The following HHIPL1 variants were observed in gnomAD, a reference collection of about 807,000 sequenced individuals.
HHIPL1 encodes HHIP like 1.
Under a neutral mutation model 61.8 loss-of-function variants are expected in HHIPL1, and 43 were observed. The observed-to-expected ratio is 0.70, with a 90% CI of 0.55 to 0.90. The LOEUF (loss-of-function observed/expected upper bound fraction) is 0.90. Among genes scored for constraint, HHIPL1 ranks in the 40% least tolerant of loss-of-function variants. HHIPL1 has a pLI of 0.00. For missense variants in HHIPL1, 1,056 were observed against 1,157.7 expected (o/e 0.91, Z 1.28); for synonymous variants, 482 against 515.8 (o/e 0.93, Z 0.89).
intron 2 of HHIPL1, among the ~76,000 whole-genome samples, 164 bp from the exon 3 acceptor site, chr14:99,656,831 GAAAGA>G: frequency 2.2e-3 from 8 of 3,666 alleles, no homozygotes; most frequent in Admixed American, 7.6e-3. Context: ...AAGAAAGAAA[GAAAGA>G]AAGGAAGGAA....
the HHIPL1 span, among the ~76,000 whole-genome samples, chr14:99,624,482 A>T: frequency 6.6e-6 from 1 of 152,266 alleles, no homozygotes; most frequent in East Asian, 1.9e-4. Flanking sequence ...ACCAACTCCC[A>T]TATGGTCGGG....
At chr14:99,646,813 ATATGATATGATATGATATG>A (rs1566804774) in intron 1 of HHIPL1, among the ~76,000 whole-genome samples, 37 of 81,822 alleles carry the variant, frequency 4.5e-4, no homozygotes, top group East Asian at 1.2e-3. Flanking sequence ...ATATGATATG[ATATGATATGATATGATATG>A]ATATAATATA....
chr14:99,656,803 G>T, intron 2 of HHIPL1, among the ~76,000 whole-genome samples, 197 bp from the exon 3 acceptor site: 1 of 2,108 alleles, frequency 4.7e-4, no homozygotes, highest in African/African-American at 5.6e-4. Context: ...AAGAAAGAAA[G>T]AAAGAAAGAA....
Position 99,663,728 on chromosome 14 carries a change from T to C in HHIPL1, c.1648+707T>C, listed in dbSNP as rs187705022. ...CGTCTTCACCTCTCTGAGCTCCCGT[T>C]TGTTCCTATGGAAAATGGAAGTAGT... On this transcript the variant is annotated intron_variant, in intron 6 of 8. Coordinates refer to ENST00000330710, the MANE Select transcript of HHIPL1 (RefSeq NM_001127258.3). Among the ~76,000 whole-genome samples, 129 of 152,254 alleles carry C rather than the reference T, an allele frequency of 8.5e-4. 1 individual carries two copies. The highest frequency in any genetic ancestry group is 4.4e-4 in the Non-Finnish European group (30 of 68,020).
rs1480847463 is a variant in HHIPL1 at position 99,656,829 on chromosome 14, A to G, written c.903-171A>G. Reference sequence around the variant, plus strand: ...AAAGAAAGAAAGAAAGAAAGAAAGAAAGAAAGAAAGGAAGGAAGGAAGGAA... The same window carrying G: ...AAAGAAAGAAAGAAAGAAAGAAAGAGAGAAAGAAAGGAAGGAAGGAAGGAA... On this transcript the variant is annotated intron_variant, in intron 2 of 8. Coordinates refer to ENST00000330710, the MANE Select transcript of HHIPL1 (RefSeq NM_001127258.3). Among the ~76,000 whole-genome samples, 11 of 5,698 alleles carry G rather than the reference A, an allele frequency of 1.9e-3. 1 individual carries two copies. The highest frequency in any genetic ancestry group is 2.9e-3 in the African/African-American group (11 of 3,796). The allele number at this position is 5,698 out of a possible 152,430, so 3.7% of individuals were successfully genotyped here.
At chr14:99,647,902 C>T (rs1055137150) in intron 1 of HHIPL1, among the ~76,000 whole-genome samples, 2 of 152,182 alleles carry the variant, frequency 1.3e-5, no homozygotes, top group Non-Finnish European at 2.9e-5. Flanking sequence ...TGGCACGTGG[C>T]ATCCCCAGTG....
chr14:99,663,121 C>G, intron 6 of HHIPL1, 100 bp downstream of exon 6: 8 of 1,195,956 alleles, frequency 6.7e-6, no homozygotes, highest in Non-Finnish European at 9.2e-6. Flanking sequence ...AAGGACCACA[C>G]AGGCCTGAAA....
intron 6 of HHIPL1, among the ~76,000 whole-genome samples, chr14:99,664,904 A>G (rs1182161961): frequency 7.5e-6 from 1 of 134,042 alleles, no homozygotes; most frequent in African/African-American, 3.2e-5. Context: ...GAAATTGTCC[A>G]TTTTTTTTTT....
rs2055962846 is a variant in HHIPL1, at chr14:99,652,861, G to T, written c.893G>T (p.Ser298Ile). The T allele has an allele frequency of 1.2e-6, 2 of 1,611,742 alleles. No individual in the cohort carries two copies. Among genetic ancestry groups the T allele is most frequent in the South Asian group, 1.1e-5 (1 of 90,980 alleles). ...SEDDENAVDH[S>I]SERIILEVKE... is the part of the protein sequence containing the mutation. ...GATGACGAGAACGCCGTGGACCACAGCTCTGAGAGGTGGCTTCCTTGGGGA... is the reference window on the plus strand; with the variant it reads ...GATGACGAGAACGCCGTGGACCACATCTCTGAGAGGTGGCTTCCTTGGGGA... The change falls in exon 2 of 9, where the codon AGC becomes ATC. Residue 298 changes from serine (S) to isoleucine (I), a missense_variant. Physicochemically the swap from Ser to Ile is moderately radical, Grantham distance 142 (BLOSUM62 -2). Transcript: ENST00000330710.
chr14:99,657,740 T>TACAC (rs1029249692), intron 3 of HHIPL1, among the ~76,000 whole-genome samples: 1 of 150,116 alleles, frequency 6.7e-6, no homozygotes, highest in African/African-American at 2.5e-5. Context: ...TATACACACA[T>TACAC]ACACACACAA....
Position 99,645,405 on chromosome 14 carries a change from C to T in HHIPL1, c.198C>T (p.Arg66=). The change falls in exon 1 of 9, where the codon CGC becomes CGT. Residue 66 remains arginine (R), a synonymous_variant. Transcript: ENST00000330710. ...LTRRFWALAS[R]VDAAEWAACA... Reference sequence around the variant, plus strand: ...GCCGCTTCTGGGCCCTGGCGAGCCGCGTGGACGCCGCCGAGTGGGCCGCGT... The same window carrying T: ...GCCGCTTCTGGGCCCTGGCGAGCCGTGTGGACGCCGCCGAGTGGGCCGCGT... The T allele has an allele frequency of 2.1e-6, 3 of 1,408,882 alleles. No individual in the cohort carries two copies. Among genetic ancestry groups the T allele is most frequent in the Non-Finnish European group, 2.8e-6 (3 of 1,084,238 alleles). 87.3% of individuals were successfully genotyped at this position (1,408,882 alleles called of 1,614,324 possible). A position where few individuals can be genotyped will look rare whatever the true frequency, so the allele number is the denominator to read the frequency against.
the HHIPL1 span, among the ~76,000 whole-genome samples, chr14:99,611,326 C>T: frequency 1.3e-4 from 20 of 148,854 alleles, no homozygotes; most frequent in Non-Finnish European, 2.8e-4. Flanking sequence ...TGGAGTCTCA[C>T]TCTGTCACCC....
intron 2 of HHIPL1, among the ~76,000 whole-genome samples, chr14:99,654,042 A>C (rs902508609): frequency 3.3e-5 from 5 of 152,128 alleles, no homozygotes; most frequent in Admixed American, 1.3e-4. Context: ...CACAAAAACT[A>C]TCTGGGTGTG....
At chr14:99,672,776 T>C (rs2056339190) in intron 8 of HHIPL1, among the ~76,000 whole-genome samples, 1 of 152,110 alleles carries the variant, frequency 6.6e-6, no homozygotes, top group South Asian at 2.1e-4. Context: ...TTGACAAGCC[T>C]GATGAGGAGA....
At chr14:99,665,187 A>T (rs2209926) in intron 6 of HHIPL1, among the ~76,000 whole-genome samples, 20 of 152,152 alleles carry the variant, frequency 1.3e-4, no homozygotes, top group African/African-American at 4.8e-4. Context: ...CTGAGATTAC[A>T]GGTGTGAGCT....
At chr14:99,614,853 T>A in the HHIPL1 span, among the ~76,000 whole-genome samples, 2 of 152,060 alleles carry the variant, frequency 1.3e-5, no homozygotes, top group Non-Finnish European at 2.9e-5. Context: ...CCGTATCTAA[T>A]GGGATAAAAT....
intron 7 of HHIPL1, chr14:99,669,009 C>T: frequency 6.5e-7 from 1 of 1,529,168 alleles, no homozygotes; most frequent in East Asian, 2.4e-5. Flanking sequence ...CCTGCCCTAA[C>T]CCCTTGGCTG....
chr14:99,657,271 C>T lies in HHIPL1; in HGVS notation c.1046+128C>T, dbSNP rs552166105. Reference sequence around the variant, plus strand: ...CAGGAGAAAAGGTTCTGGGTCCCAGCTCAGCCTGCAGCTAGCTGGGCAGCC... The same window carrying T: ...CAGGAGAAAAGGTTCTGGGTCCCAGTTCAGCCTGCAGCTAGCTGGGCAGCC... On this transcript the variant is annotated intron_variant, in intron 3 of 8. Coordinates refer to ENST00000330710, the MANE Select transcript of HHIPL1 (RefSeq NM_001127258.3). 2,593 of 1,107,386 alleles carry T rather than the reference C, an allele frequency of 2.3e-3. 12 individuals carry two copies. The highest frequency in any genetic ancestry group is 2.0e-3 in the Non-Finnish European group (1,528 of 754,770). The allele number at this position is 1,107,386 out of a possible 1,614,324, so 68.6% of individuals were successfully genotyped here. A position where few individuals can be genotyped will look rare whatever the true frequency, so the allele number is the denominator to read the frequency against.
At chr14:99,637,172 G>GAA in the HHIPL1 span, among the ~76,000 whole-genome samples, 24 of 87,314 alleles carry the variant, frequency 2.7e-4, no homozygotes, top group East Asian at 6.0e-3. Context: ...GAAAGAAAAA[G>GAA]AAAGAAAGAA....
Sources: allele counts gnomAD v4.1 joint callset (sites outside exome capture counted in the v4.1 genomes callset), GRCh38; gene constraint gnomAD v4.1.1; transcripts MANE v1.5; gene names NCBI Gene and HGNC (gene_info 2026-07-23, HGNC 2026-07-21).